Variants in FRMD4A observed in about 807,000 individuals in gnomAD.
The protein encoded by FRMD4A is FERM domain containing 4A.
In FRMD4A, 29 loss-of-function variants were observed where a neutral mutation model predicts 129.1. The ratio of observed to expected loss-of-function variants is 0.22; its 90% CI spans 0.17 to 0.31. The LOEUF is 0.31. FRMD4A is among the 10% of genes least tolerant of loss of function. The pLI is 1.00. For synonymous variants in FRMD4A, 634 were observed against 571.6 expected (o/e 1.11, Z -1.56); for missense variants, 1,272 against 1,375.8 (o/e 0.92, Z 1.19).
intron 6 of FRMD4A, among the ~76,000 whole-genome samples, chr10:13,772,544 G>A (rs1204578015): frequency 1.3e-5 from 2 of 152,102 alleles, no homozygotes; most frequent in Non-Finnish European, 2.9e-5. Flanking sequence ...TAGACTTTAG[G>A]CCAGTTTCAG....
chr10:14,054,252 C>T (rs1834400232), intron 2 of FRMD4A, among the ~76,000 whole-genome samples: 2 of 152,186 alleles, frequency 1.3e-5, no homozygotes, highest in South Asian at 4.1e-4. Context: ...GGTTCTTTGT[C>T]TCTGGCCTTT....
intron 2 of FRMD4A, among the ~76,000 whole-genome samples, chr10:14,006,997 C>G (rs752457401): frequency 6.6e-6 from 1 of 151,744 alleles, no homozygotes; most frequent in African/African-American, 2.4e-5. Context: ...GAAATCAACC[C>G]GACCTAAGTA....
chr10:13,681,346 G>A lies in FRMD4A; in HGVS notation c.1118-6302C>T, dbSNP rs73590426. On this transcript the variant is annotated intron_variant, in intron 15 of 24. Coordinates refer to ENST00000357447, the MANE Select transcript of FRMD4A (RefSeq NM_018027.5). Reference sequence around the variant, plus strand: ...TTTGTAAACTCAAAAGCTAAACAGAGTTTAATCTGAGCTGTCTCTGGGATT... The same window carrying A: ...TTTGTAAACTCAAAAGCTAAACAGAATTTAATCTGAGCTGTCTCTGGGATT... Among the ~76,000 whole-genome samples, 1,174 of 152,280 alleles carry A rather than the reference G, an allele frequency of 7.7e-3. 16 individuals carry two copies. Among genetic ancestry groups the A allele is most frequent in the African/African-American group, 0.027 (1,106 of 41,568 alleles).
intron 2 of FRMD4A, among the ~76,000 whole-genome samples, chr10:13,995,120 G>A (rs1470074998): frequency 2.0e-5 from 3 of 152,168 alleles, no homozygotes; most frequent in Non-Finnish European, 4.4e-5. Flanking sequence ...CCCACTCTAA[G>A]ATACATGAGA....
chr10:13,805,613 G>A (rs2093345193), intron 4 of FRMD4A, among the ~76,000 whole-genome samples: 2 of 152,158 alleles, frequency 1.3e-5, no homozygotes, highest in Non-Finnish European at 2.9e-5. Context: ...AAGTTGGTTA[G>A]TTATAGGCTA....
intron 2 of FRMD4A, among the ~76,000 whole-genome samples, chr10:14,088,441 C>G (rs557059749): frequency 6.8e-6 from 1 of 147,668 alleles, no homozygotes; most frequent in Non-Finnish European, 1.5e-5. Flanking sequence ...CAAGACTCTT[C>G]CTAAAAGAAA....
At chr10:14,327,241 CT>C (rs1486321862) in intron 2 of FRMD4A, among the ~76,000 whole-genome samples, 1 of 152,202 alleles carries the variant, frequency 6.6e-6, no homozygotes, top group African/African-American at 2.4e-5. Context: ...TCCGTGTCAG[CT>C]AATAATATGA....
chr10:13,998,166 C>T (rs930982395), intron 2 of FRMD4A, among the ~76,000 whole-genome samples: 1 of 152,214 alleles, frequency 6.6e-6, no homozygotes, highest in Non-Finnish European at 1.5e-5. Context: ...CATCCACACA[C>T]ATTCCCCAGA....
intron 2 of FRMD4A, among the ~76,000 whole-genome samples, chr10:14,282,907 T>C (rs989908959): frequency 1.3e-5 from 2 of 152,222 alleles, no homozygotes; most frequent in African/African-American, 4.8e-5. Context: ...CATAGATTGT[T>C]GAGTCAGGAG....
intron 2 of FRMD4A, among the ~76,000 whole-genome samples, chr10:13,884,122 T>TCACACACACACACACTCA: frequency 1.3e-5 from 1 of 78,264 alleles, no homozygotes; most frequent in African/African-American, 5.2e-5. Context: ...ACACACACAC[T>TCACACACACACACACTCA]CACACACACG....
At chr10:13,654,675 G>A (rs140395611) in intron 22 of FRMD4A, 163 bp from the exon 23 acceptor site, 42 of 601,910 alleles carry the variant, frequency 7.0e-5, no homozygotes, top group African/African-American at 6.9e-4. Flanking sequence ...CCTATGGCAT[G>A]GTCACAGTGG....
chr10:14,282,591 CT>C (rs1357277748), intron 2 of FRMD4A, among the ~76,000 whole-genome samples: 2 of 150,952 alleles, frequency 1.3e-5, no homozygotes, highest in African/African-American at 4.9e-5. Flanking sequence ...GTTACCCTCA[CT>C]GCTAACGGGA....
intron 3 of FRMD4A, among the ~76,000 whole-genome samples, chr10:13,825,301 C>T (rs2093685691): frequency 6.6e-6 from 1 of 152,182 alleles, no homozygotes; most frequent in African/African-American, 2.4e-5. Flanking sequence ...TGGCTACTAA[C>T]TGACTAAAGG....
At chr10:13,918,335 C>A (rs1375080281) in intron 2 of FRMD4A, among the ~76,000 whole-genome samples, 1 of 152,106 alleles carries the variant, frequency 6.6e-6, no homozygotes, top group Non-Finnish European at 1.5e-5. Context: ...CCCATCTTAG[C>A]CCCCAGCTCT....
intron 15 of FRMD4A, among the ~76,000 whole-genome samples, chr10:13,682,466 C>A (rs889453879): frequency 6.6e-6 from 1 of 151,452 alleles, no homozygotes; most frequent in Non-Finnish European, 1.5e-5. Flanking sequence ...ATTGAATCCT[C>A]ACAGAGACAT....
chr10:13,917,987 T>A (rs1434785161), intron 2 of FRMD4A, among the ~76,000 whole-genome samples: 1 of 152,182 alleles, frequency 6.6e-6, no homozygotes. Context: ...CTACAAAAAG[T>A]GATCACTATT....
chr10:14,190,371 GT>G, intron 2 of FRMD4A, among the ~76,000 whole-genome samples: 1 of 152,202 alleles, frequency 6.6e-6, no homozygotes, highest in Non-Finnish European at 1.5e-5. Context: ...CTGTTTGTTT[GT>G]TTTTTGTTCA....
chr10:13,961,830 A>ATAT (rs2095446986), intron 2 of FRMD4A, among the ~76,000 whole-genome samples: 1 of 152,216 alleles, frequency 6.6e-6, no homozygotes, highest in Non-Finnish European at 1.5e-5. Context: ...ATATGGAATC[A>ATAT]TATTTTTTTT....
intron 2 of FRMD4A, among the ~76,000 whole-genome samples, chr10:14,248,094 G>A (rs764310622): frequency 7.2e-5 from 11 of 152,074 alleles, no homozygotes; most frequent in South Asian, 2.1e-4. Flanking sequence ...AATTCCCCAC[G>A]TAACATGAGC....
Sources: gnomAD v4.1 joint callset for allele counts (sites outside exome capture counted in the v4.1 genomes callset) on GRCh38, gnomAD v4.1.1 for gene constraint, MANE v1.5 for transcripts, NCBI Gene and HGNC (gene_info 2026-07-23, HGNC 2026-07-21) for gene names.